MAST4: variants seen among roughly 807,000 people sequenced by gnomAD.
MAST4 encodes the protein microtubule associated serine/threonine kinase family member 4.
MAST4 carries 89 observed loss-of-function variants against 162.7 expected under a neutral mutation model. The observed-to-expected ratio is 0.55, with a 90% CI of 0.46 to 0.65. MAST4 has a LOEUF of 0.65. Among genes scored for constraint, MAST4 ranks in the 30% least tolerant of loss-of-function variants. MAST4 has a pLI of 0.00. For missense variants in MAST4, 3,153 were observed against 3,374.0 expected, an observed-to-expected ratio of 0.93 and a Z score of 1.62; for synonymous variants, 1,479 against 1,361.1, an observed-to-expected ratio of 1.09 and a Z score of -1.91.
chr5:66,710,146 C>G (rs547786151), intron 1 of MAST4, among the ~76,000 whole-genome samples: 1 of 152,328 alleles, frequency 6.6e-6, no homozygotes, highest in African/African-American at 2.4e-5. Flanking sequence ...TAGCTGCTTC[C>G]ATTTCTCTCC....
At chr5:67,158,177 G>A (rs1772765796) in intron 26 of MAST4, among the ~76,000 whole-genome samples, 1 of 152,134 alleles carries the variant, frequency 6.6e-6, no homozygotes, top group South Asian at 2.1e-4. Flanking sequence ...ACCTTCAGTG[G>A]TAGACCTTAC....
rs559280245 is a variant in MAST4 at position 66,799,193 on chromosome 5, A to T, written c.642+10399A>T. ...GACTCCTCTTCCCAGGCTCTTCCTT[A>T]TTCTGGAAAGAAAACTCTTCTCTAT... On this transcript the variant is annotated intron_variant, in intron 3 of 28. Coordinates refer to ENST00000403625, the MANE Select transcript of MAST4 (RefSeq NM_001164664.2). Among the ~76,000 whole-genome samples, 31 of 152,214 alleles carry T rather than the reference A, an allele frequency of 2.0e-4. No homozygotes were observed. In the East Asian group the frequency reaches 3.9e-3, roughly 19 times the overall value.
chr5:66,863,677 C>T (rs928328389), intron 3 of MAST4, among the ~76,000 whole-genome samples: 1 of 152,264 alleles, frequency 6.6e-6, no homozygotes, highest in African/African-American at 2.4e-5. Flanking sequence ...TTGGGTTCAG[C>T]CCCATGGGGA....
chr5:66,690,277 G>T (rs1434764798), intron 1 of MAST4, among the ~76,000 whole-genome samples: 1 of 152,142 alleles, frequency 6.6e-6, no homozygotes, highest in East Asian at 1.9e-4. Context: ...CTTTGGAAAC[G>T]CTTGTCAGGG....
chr5:66,786,260 A>G (rs1755114312), intron 2 of MAST4, among the ~76,000 whole-genome samples: 1 of 151,930 alleles, frequency 6.6e-6, no homozygotes, highest in Admixed American at 6.6e-5. Context: ...ATTTTACATT[A>G]AATTCTCCCA....
At chr5:66,682,505 C>G (rs1748394833) in intron 1 of MAST4, among the ~76,000 whole-genome samples, 1 of 152,138 alleles carries the variant, frequency 6.6e-6, no homozygotes, top group African/African-American at 2.4e-5. Flanking sequence ...GCTTTGAATA[C>G]TGGGCCTACT....
At chr5:66,863,420 G>A (rs1447740815) in intron 3 of MAST4, among the ~76,000 whole-genome samples, 1 of 152,206 alleles carries the variant, frequency 6.6e-6, no homozygotes, top group Non-Finnish European at 1.5e-5. Context: ...GGTTGCAGCT[G>A]CCTTTGGCCC....
intron 3 of MAST4, among the ~76,000 whole-genome samples, chr5:66,814,354 AT>A (rs1180556443): frequency 6.6e-6 from 1 of 151,954 alleles, no homozygotes; most frequent in Non-Finnish European, 1.5e-5. Context: ...TCGGGCAAGC[AT>A]TTTCCTGTTG....
rs2151009976 is a variant in MAST4 at position 67,135,603 on chromosome 5, G to T, written c.2392+915G>T. ...TTGCATATTTGTAAACTTTAACAAA[G>T]CAGATTTGTGAGTTGCCTGCAGTGT... On this transcript the variant is annotated intron_variant, in intron 18 of 28. Transcript: ENST00000403625. Among the ~76,000 whole-genome samples, 3 of 152,306 alleles carry T rather than the reference G, an allele frequency of 2.0e-5. 1 individual carries two copies. Among genetic ancestry groups the T allele is most frequent in the Admixed American group, 2.0e-4 (3 of 15,292 alleles).
intron 4 of MAST4, among the ~76,000 whole-genome samples, chr5:66,957,215 A>T (rs910523655): frequency 1.1e-4 from 17 of 152,102 alleles, no homozygotes; most frequent in African/African-American, 4.1e-4. Context: ...ATTTTTTGTT[A>T]TAGGGTGGTA....
chr5:66,839,864 CAT>C (rs1758291775), intron 3 of MAST4, among the ~76,000 whole-genome samples: 1 of 152,112 alleles, frequency 6.6e-6, no homozygotes, highest in Non-Finnish European at 1.5e-5. Context: ...AAGAAAAACA[CAT>C]GACATGTACA....
At chr5:66,916,613 T>G (rs1022241598) in intron 4 of MAST4, among the ~76,000 whole-genome samples, 11 of 152,232 alleles carry the variant, frequency 7.2e-5, no homozygotes, top group Non-Finnish European at 1.5e-5. Context: ...GTAGTCATTG[T>G]TAGACTGGTG....
In MAST4 at chr5:67,164,114, C is replaced by T; in HGVS notation, c.4935C>T (p.Leu1645=). 6.3e-7 allele frequency: 1 copy of T among 1,593,262 alleles called. No individual in the cohort carries two copies. Among genetic ancestry groups the T allele is most frequent in the Non-Finnish European group, 8.6e-7 (1 of 1,169,380 alleles). ...DFRRAPAPGT[L]QDGLCHSLDR... is the part of the protein sequence containing the mutation. ...GACGGGCCCCCGCTCCTGGCACCCT[C>T]CAGGATGGTCTCTGCCACTCCCTCG... The change falls in exon 29 of 29, where the codon CTC becomes CTT. Residue 1645 remains leucine, a synonymous_variant. Coordinates refer to ENST00000403625, the MANE Select transcript of MAST4 (RefSeq NM_001164664.2). This position sits in a 1 kb window ranked among gnomAD's most constrained non-coding sequence, Gnocchi z 5.3.
intron 1 of MAST4, among the ~76,000 whole-genome samples, chr5:66,667,659 C>T (rs567574461): frequency 1.3e-5 from 2 of 152,310 alleles, no homozygotes; most frequent in Admixed American, 1.3e-4. Context: ...CACTTATGGT[C>T]AGTGAATTTT....
chr5:67,130,936 T>C (rs1194846188), intron 15 of MAST4, among the ~76,000 whole-genome samples: 2 of 152,152 alleles, frequency 1.3e-5, no homozygotes, highest in African/African-American at 4.8e-5. Context: ...CTTATTTCCA[T>C]CAATTTTATA....
chr5:66,755,891 T>C (rs1480535604), intron 1 of MAST4, among the ~76,000 whole-genome samples: 2 of 152,204 alleles, frequency 1.3e-5, no homozygotes, highest in African/African-American at 4.8e-5. Flanking sequence ...AATGTCATCG[T>C]GGAGGATCTG....
At chr5:66,678,516 G>A (rs1339299869) in intron 1 of MAST4, among the ~76,000 whole-genome samples, 1 of 149,126 alleles carries the variant, frequency 6.7e-6, no homozygotes, top group Non-Finnish European at 1.5e-5. Flanking sequence ...TTTTTTTTGA[G>A]ATGGAGTCTT....
intron 4 of MAST4, among the ~76,000 whole-genome samples, chr5:67,036,366 A>G (rs138070248): frequency 1.3e-5 from 2 of 152,294 alleles, no homozygotes; most frequent in Non-Finnish European, 2.9e-5. Flanking sequence ...TTTGAAAGCT[A>G]GAGTACAAGC....
intron 1 of MAST4, among the ~76,000 whole-genome samples, chr5:66,624,652 A>G (rs4415046): frequency 0.022 from 3,371 of 152,296 alleles, 126 homozygotes; most frequent in African/African-American, 0.077. Context: ...TTATATTACA[A>G]CGCTATAGTA....
Sources: gnomAD v4.1 joint callset for allele counts (sites outside exome capture counted in the v4.1 genomes callset) on GRCh38, gnomAD v4.1.1 for gene constraint, Gnocchi (gnomAD v3.1) non-coding constraint, MANE v1.5 for transcripts, NCBI Gene and HGNC (gene_info 2026-07-23, HGNC 2026-07-21) for gene names.